The following TGM4 variants were observed in gnomAD, a reference collection of about 807,000 sequenced individuals.
The protein encoded by TGM4 is protein-glutamine gamma-glutamyltransferase 4.
Under a neutral mutation model 76.3 loss-of-function variants are expected in TGM4, and 61 were observed. The observed-to-expected ratio is 0.80, with a 90% CI of 0.65 to 0.99. The LOEUF is 0.99. Among genes scored for constraint, TGM4 ranks in the 50% least tolerant of loss-of-function variants. The pLI is 0.00. For synonymous variants in TGM4, 337 were observed against 329.8 expected, an observed-to-expected ratio of 1.02 and a Z score of -0.24; for missense variants, 794 against 843.2, an observed-to-expected ratio of 0.94 and a Z score of 0.72.
At chr3:44,892,016 T>C (rs1699706006) in intron 4 of TGM4, among the ~76,000 whole-genome samples, 2 of 151,234 alleles carry the variant, frequency 1.3e-5, no homozygotes, top group Admixed American at 1.3e-4. Context: ...CCCAGCACTT[T>C]GGGAGGCCAA....
rs1173861017 is a variant in TGM4, at chr3:44,887,785, C to G, written c.290C>G (p.Ser97Cys). The G allele has an allele frequency of 1.9e-6, 3 of 1,614,058 alleles. No individual in the cohort carries two copies. The highest frequency in any genetic ancestry group is 2.5e-6 in the Non-Finnish European group (3 of 1,180,028). The change falls in exon 3 of 14, where the codon TCT (serine) becomes TGT (cysteine). Residue 97 changes from serine (S) to cysteine (C), a missense_variant. Ser to Cys is a moderately radical substitution (Grantham distance 112). Transcript: ENST00000296125. Reference sequence around the variant, plus strand: ...TGGCAGGCAACCCTTCAAAATGAGTCTGGCAAAGAGGTGAGCACCCACTGG... The same window carrying G: ...TGGCAGGCAACCCTTCAAAATGAGTGTGGCAAAGAGGTGAGCACCCACTGG... The part of the protein sequence containing the change: ...YNWQATLQNE[S>C]GKEVTVAVTS...
intron 13 of TGM4, 72 bp downstream of exon 13, chr3:44,911,478 A>G: frequency 6.4e-7 from 1 of 1,552,514 alleles, no homozygotes; most frequent in East Asian, 2.3e-5. Context: ...CATATTCCTG[A>G]GAAGTGAATT....
At chr3:44,887,130 A>G (rs914225136) in intron 2 of TGM4, among the ~76,000 whole-genome samples, 11 of 152,296 alleles carry the variant, frequency 7.2e-5, no homozygotes, top group Non-Finnish European at 1.0e-4. Context: ...GACAGGGAGG[A>G]AAGTGGGGAG....
intron 1 of TGM4, among the ~76,000 whole-genome samples, chr3:44,877,322 C>T (rs1699463543): frequency 6.6e-6 from 1 of 152,086 alleles, no homozygotes; most frequent in African/African-American, 2.4e-5. Context: ...GTGGGGTACA[C>T]CGGTAATCCC....
At chr3:44,891,294 C>T (rs1699693040) in intron 4 of TGM4, among the ~76,000 whole-genome samples, 1 of 152,190 alleles carries the variant, frequency 6.6e-6, no homozygotes, top group Non-Finnish European at 1.5e-5. Flanking sequence ...CCACACCTGC[C>T]CTCTCTCCTG....
At chr3:44,886,084 C>T (rs1699603396) in intron 2 of TGM4, among the ~76,000 whole-genome samples, 1 of 152,158 alleles carries the variant, frequency 6.6e-6, no homozygotes, top group African/African-American at 2.4e-5. Context: ...CAGCTCATGC[C>T]TGTAATCCCA....
At chr3:44,885,834 G>A (rs1699599169) in intron 2 of TGM4, among the ~76,000 whole-genome samples, 1 of 152,172 alleles carries the variant, frequency 6.6e-6, no homozygotes, top group African/African-American at 2.4e-5. Flanking sequence ...TGATGCCATA[G>A]CGGGGTGGGC....
intron 12 of TGM4, 61 bp downstream of exon 12, chr3:44,911,188 CG>C: frequency 6.2e-7 from 1 of 1,609,680 alleles, no homozygotes; most frequent in Non-Finnish European, 8.5e-7. Context: ...TGGAGTGTGA[CG>C]GGGCCCCTAA....
At position 44,893,685 on chromosome 3, in the gene TGM4, A is replaced by C; in HGVS notation, c.539A>C (p.Asn180Thr). ...AGAAGTATCAAATGCAAACCCTGGA[A>C]CTTTGGTCAGGTAATGATTTGTCGT... ...AARSIKCKPW[N>T]FGQFEKNVLD... is the part of the protein sequence containing the mutation. The change falls in exon 5 of 14, where the codon AAC becomes ACC. Residue 180 changes from asparagine to threonine, a missense_variant. Physicochemically the swap from Asn to Thr is moderately conservative, Grantham distance 65 (BLOSUM62 0). Transcript: ENST00000296125. The C allele has an allele frequency of 6.2e-7, 1 of 1,613,766 alleles. No individual in the cohort carries two copies. Among genetic ancestry groups the C allele is most frequent in the Non-Finnish European group, 8.5e-7 (1 of 1,179,786 alleles).
intron 2 of TGM4, among the ~76,000 whole-genome samples, chr3:44,887,177 A>G (rs1284768260): frequency 6.6e-6 from 1 of 152,248 alleles, no homozygotes; most frequent in African/African-American, 2.4e-5. Flanking sequence ...CCTGTGGGCT[A>G]TGGAAAGAGG....
rs114864820 is a variant in TGM4 at position 44,882,414 on chromosome 3, C to T, written c.20-2911C>T. On this transcript the variant is annotated intron_variant, in intron 1 of 13. Transcript: ENST00000296125. ...TTGGTTTCTTAGGGCATTCAAATGA[C>T]CACAAATGAGGCTGCTTAAAACAAC... Among the ~76,000 whole-genome samples, 1,026 of 152,316 alleles carry T rather than the reference C, an allele frequency of 6.7e-3. 10 individuals carry two copies. Among genetic ancestry groups the T allele is most frequent in the African/African-American group, 0.024 (982 of 41,570 alleles).
Position 44,885,457 on chromosome 3 carries a change from C to A in TGM4, c.152C>A (p.Pro51His), listed in dbSNP as rs770288413. The A allele has an allele frequency of 6.2e-7, 1 of 1,612,778 alleles. No homozygotes were observed. Among genetic ancestry groups the A allele is most frequent in the East Asian group, 2.2e-5 (1 of 44,870 alleles). ...VFHLRLVLNQ[P>H]LQSYHQLKLE... ...CACCTGCGGCTGGTGCTGAACCAGC[C>A]CCTACAATCCTACCACCAACTGAAA... Residue 51 changes from proline (P) to histidine (H), a missense_variant, in exon 2 of 14, where the codon CCC becomes CAC. By Grantham distance (77) the Pro-to-His change is moderately conservative. Coordinates refer to ENST00000296125, the MANE Select transcript of TGM4 (RefSeq NM_003241.4).
At chr3:44,883,591 G>T (rs1303159547) in intron 1 of TGM4, among the ~76,000 whole-genome samples, 1 of 152,228 alleles carries the variant, frequency 6.6e-6, no homozygotes, top group East Asian at 1.9e-4. Flanking sequence ...CAAGGTTTCA[G>T]CCCAAGAAGG....
chr3:44,904,105 C>T, intron 9 of TGM4, 118 bp downstream of exon 9: 1 of 881,364 alleles, frequency 1.1e-6, no homozygotes, highest in Non-Finnish European at 1.8e-6. Flanking sequence ...AAAAATTTCC[C>T]AAAACAAAAA....
chr3:44,910,185 A>G lies in TGM4; in HGVS notation c.1423A>G (p.Met475Val), dbSNP rs61731538. The change falls in exon 11 of 14, where the codon ATG becomes GTG. Residue 475 changes from methionine (M) to valine (V), a missense_variant. Met to Val is a conservative substitution (Grantham distance 21). Transcript: ENST00000296125. ...RRPVKENFLH[M>V]SVQSDDVLLG... ...ACCTGTAAAAGAGAACTTTCTTCAC[A>G]TGTCGGTACAATCAGATGATGTGCT... is the stretch of plus-strand genomic sequence containing the variant. The G allele has an allele frequency of 5.2e-5, 84 of 1,614,168 alleles. 1 individual carries two copies. The African/African-American group carries it at 9.9e-4, about 19-fold the overall frequency.
chr3:44,904,032 T>G, intron 9 of TGM4, 45 bp downstream of exon 9: 1 of 1,537,434 alleles, frequency 6.5e-7, no homozygotes, highest in Non-Finnish European at 9.0e-7. Flanking sequence ...GCTGCTCTCC[T>G]TACATGGCCC....
Position 44,885,308 on chromosome 3 carries a change from T to C in TGM4, c.20-17T>C. 3 of 1,595,450 alleles carry C rather than the reference T, an allele frequency of 1.9e-6. No individual in the cohort carries two copies. The highest frequency in any genetic ancestry group is 1.7e-6 in the Non-Finnish European group (2 of 1,165,902). ...ATTCTCTGTGCTCTCTTTCCACATGTGCTGCGTTGCTGACAGAGCTGCAAG... is the reference window on the plus strand; with the variant it reads ...ATTCTCTGTGCTCTCTTTCCACATGCGCTGCGTTGCTGACAGAGCTGCAAG... On this transcript the variant is annotated splice_polypyrimidine_tract_variant and intron_variant, in intron 1 of 13. Coordinates refer to ENST00000296125, the MANE Select transcript of TGM4 (RefSeq NM_003241.4).
intron 9 of TGM4, among the ~76,000 whole-genome samples, chr3:44,905,682 G>A (rs920631589): frequency 6.6e-6 from 1 of 152,218 alleles, no homozygotes; most frequent in Non-Finnish European, 1.5e-5. Flanking sequence ...GCTGCAATGT[G>A]AGCCCACATG....
At chr3:44,884,662 G>C (rs1346849510) in intron 1 of TGM4, among the ~76,000 whole-genome samples, 1 of 152,106 alleles carries the variant, frequency 6.6e-6, no homozygotes. Context: ...AATGCAAGTA[G>C]TCTTGGCCTC....
Sources: gnomAD v4.1 joint callset for allele counts (sites outside exome capture counted in the v4.1 genomes callset) on GRCh38, gnomAD v4.1.1 for gene constraint, MANE v1.5 for transcripts, NCBI Gene and HGNC (gene_info 2026-07-23, HGNC 2026-07-21) for gene names.